Variants in TOM1 observed in about 807,000 individuals in gnomAD.
TOM1 encodes target of myb1 membrane trafficking protein.
A neutral mutation model predicts 61.3 loss-of-function variants in TOM1; 38 were observed. The ratio of observed to expected loss-of-function variants is 0.62; its 90% CI spans 0.48 to 0.81. TOM1 has a LOEUF of 0.81. Among genes scored for constraint, TOM1 ranks in the 40% least tolerant of loss-of-function variants. TOM1 has a pLI of 0.00. For synonymous variants in TOM1, 270 were observed against 268.8 expected, an observed-to-expected ratio of 1.00 and a Z score of -0.04; for missense variants, 591 against 659.6, an observed-to-expected ratio of 0.90 and a Z score of 1.14.
At chr22:35,342,743 A>G (rs959455798) in intron 12 of TOM1, among the ~76,000 whole-genome samples, 5 of 147,860 alleles carry the variant, frequency 3.4e-5, no homozygotes, top group Non-Finnish European at 7.5e-5. Context: ...ACCTCCACCC[A>G]TAGACCTACA....
chr22:35,299,818 G>T, upstream of TOM1: 1 of 1,236,926 alleles, frequency 8.1e-7, no homozygotes, highest in Non-Finnish European at 1.1e-6. Flanking sequence ...CGGTGCCACC[G>T]CCCCGCCCAC....
chr22:35,335,212 A>C lies in TOM1; in HGVS notation c.1148+764A>C, dbSNP rs570114722. On this transcript the variant is annotated intron_variant, in intron 11 of 14. Coordinates refer to ENST00000449058, the MANE Select transcript of TOM1 (RefSeq NM_005488.3). ...CCCCAGGGCTGAGCTGTGGGCAGCC[A>C]GGATTCTTATAGCTAAGGAAAGTTC... is the stretch of plus-strand genomic sequence containing the variant. Among the ~76,000 whole-genome samples the C allele has an allele frequency of 3.3e-5, 5 of 152,268 alleles. No homozygotes were observed. The East Asian group carries it at 7.7e-4, about 24-fold the overall frequency.
At chr22:35,319,480 G>A (rs958760215) in intron 2 of TOM1, among the ~76,000 whole-genome samples, 5 of 152,192 alleles carry the variant, frequency 3.3e-5, no homozygotes, top group Non-Finnish European at 7.3e-5. Flanking sequence ...GCAGAGTACC[G>A]GACATCATGG....
At chr22:35,324,538 C>T (rs1273689696) in intron 6 of TOM1, among the ~76,000 whole-genome samples, 1 of 151,658 alleles carries the variant, frequency 6.6e-6, no homozygotes, top group Non-Finnish European at 1.5e-5. Context: ...CATGAAGTCT[C>T]AAGAAGGTCT....
chr22:35,318,253 G>A (rs1927479971), intron 2 of TOM1: 2 of 498,746 alleles, frequency 4.0e-6, no homozygotes, highest in African/African-American at 3.8e-5. Context: ...CATCTGCCTA[G>A]GATGAGGCAA....
At chr22:35,311,532 A>G (rs572091395) in intron 1 of TOM1, among the ~76,000 whole-genome samples, 1 of 152,374 alleles carries the variant, frequency 6.6e-6, no homozygotes, top group South Asian at 2.1e-4. Context: ...AGGGGCAGTC[A>G]GCATCGAACT....
At position 35,347,108 on chromosome 22, in the gene TOM1, C is replaced by T; in HGVS notation, c.1378C>T (p.Leu460Phe). ...CAAAGCCGCGGACCGATTGCCCAACCTCTCCAGCCCCTCAGCTGAGGGGCC... is the reference window on the plus strand; with the variant it reads ...CAAAGCCGCGGACCGATTGCCCAACTTCTCCAGCCCCTCAGCTGAGGGGCC... ...RAKAADRLPN[L>F]SSPSAEGPPG... Residue 460 changes from leucine to phenylalanine, a missense_variant, in exon 15 of 15, where the codon CTC (leucine) becomes TTC (phenylalanine). By Grantham distance (22) the Leu-to-Phe change is conservative. Coordinates refer to ENST00000449058, the MANE Select transcript of TOM1 (RefSeq NM_005488.3). 1 of 1,613,682 alleles carries T rather than the reference C, an allele frequency of 6.2e-7. No homozygotes were observed. The highest frequency in any genetic ancestry group is 1.1e-5 in the South Asian group (1 of 91,066).
chr22:35,302,534 C>T (rs1925931624), intron 1 of TOM1, among the ~76,000 whole-genome samples: 1 of 152,046 alleles, frequency 6.6e-6, no homozygotes, highest in African/African-American at 2.4e-5. Context: ...TGGGGTTTCT[C>T]CATGTTGGCC....
chr22:35,340,719 C>G (rs1929802036), intron 12 of TOM1, among the ~76,000 whole-genome samples: 1 of 151,892 alleles, frequency 6.6e-6, no homozygotes, highest in Non-Finnish European at 1.5e-5. Flanking sequence ...GACACTCCAG[C>G]CTGGGCAATG....
intron 2 of TOM1, 75 bp from the exon 3 acceptor site, chr22:35,321,884 C>A: frequency 7.8e-7 from 1 of 1,284,722 alleles, no homozygotes; most frequent in South Asian, 1.2e-5. Flanking sequence ...AAGAACTGTT[C>A]CAACTCTCCA....
At chr22:35,336,352 G>A (rs1448030499) in intron 11 of TOM1, among the ~76,000 whole-genome samples, 1 of 152,092 alleles carries the variant, frequency 6.6e-6, no homozygotes, top group Non-Finnish European at 1.5e-5. Flanking sequence ...TGCCAGCTTG[G>A]TGTCCAGCCC....
rs767859246 is a variant in TOM1 at position 35,347,091 on chromosome 22, C to T, written c.1361C>T (p.Ala454Val). The stretch of plus-strand genomic sequence containing the variant: ...TTCCTGGAAGAACGGGCCAAAGCCG[C>T]GGACCGATTGCCCAACCTCTCCAGC... ...DKFLEERAKAADRLPNLSSPS... is the reference protein window; with the variant it reads ...DKFLEERAKAVDRLPNLSSPS... The change falls in exon 15 of 15, where the codon GCG (alanine) becomes GTG (valine). Residue 454 changes from alanine (A) to valine (V), a missense_variant. Coordinates refer to ENST00000449058, the MANE Select transcript of TOM1 (RefSeq NM_005488.3). 29 of 1,613,454 alleles carry T rather than the reference C, an allele frequency of 1.8e-5. No individual in the cohort carries two copies. In the East Asian group the frequency reaches 2.9e-4, roughly 16 times the overall value.
intron 1 of TOM1, among the ~76,000 whole-genome samples, chr22:35,302,888 G>A (rs1425678239): frequency 6.6e-6 from 1 of 152,178 alleles, no homozygotes; most frequent in Non-Finnish European, 1.5e-5. Flanking sequence ...GGCGGAGGAA[G>A]TACTGCTCCC....
intron 1 of TOM1, among the ~76,000 whole-genome samples, chr22:35,307,747 G>A (rs1166212469): frequency 6.6e-6 from 1 of 152,148 alleles, no homozygotes; most frequent in East Asian, 1.9e-4. Context: ...GGGGAGAGAA[G>A]AACCAGCCAG....
At chr22:35,328,858 G>A (rs188564503) in intron 7 of TOM1, among the ~76,000 whole-genome samples, 45 of 152,370 alleles carry the variant, frequency 3.0e-4, no homozygotes, top group African/African-American at 1.1e-3. Flanking sequence ...TCAGGACCCA[G>A]GCACCTGCCG....
chr22:35,305,957 C>T (rs1048178936), intron 1 of TOM1, among the ~76,000 whole-genome samples: 11 of 152,278 alleles, frequency 7.2e-5, no homozygotes, highest in Admixed American at 7.2e-4. Context: ...ATAGTAAATA[C>T]TTGTGGCTTC....
chr22:35,304,963 T>C (rs1260570353), intron 1 of TOM1, among the ~76,000 whole-genome samples: 1 of 151,734 alleles, frequency 6.6e-6, no homozygotes, highest in Non-Finnish European at 1.5e-5. Context: ...GGGAGCTGGG[T>C]GTGAGGGGAG....
At chr22:35,326,583 G>A (rs1928326802) in intron 6 of TOM1, among the ~76,000 whole-genome samples, 1 of 152,186 alleles carries the variant, frequency 6.6e-6, no homozygotes, top group East Asian at 1.9e-4. Context: ...AAATAGACCA[G>A]AAACAGGACA....
intron 12 of TOM1, among the ~76,000 whole-genome samples, chr22:35,339,399 T>C (rs1929676367): frequency 6.6e-6 from 1 of 152,128 alleles, no homozygotes; most frequent in Non-Finnish European, 1.5e-5. Context: ...AGTTACCAGC[T>C]ATGTGTCCTT....
Sources: gnomAD v4.1 joint callset for allele counts (sites outside exome capture counted in the v4.1 genomes callset) on GRCh38, gnomAD v4.1.1 for gene constraint, MANE v1.5 for transcripts, NCBI Gene and HGNC (gene_info 2026-07-23, HGNC 2026-07-21) for gene names.